The following PTPRJ variants were observed in gnomAD, a reference collection of about 807,000 sequenced individuals.
The protein encoded by PTPRJ is receptor-type tyrosine-protein phosphatase eta.
A neutral mutation model predicts 141.3 loss-of-function variants in PTPRJ; 129 were observed. The observed-to-expected ratio is 0.91, with a 90% confidence interval of 0.79 to 1.06. The LOEUF (loss-of-function observed/expected upper bound fraction) is 1.06, where lower values mean the gene tolerates loss of function less well. PTPRJ is among the 50% of genes least tolerant of loss of function. The probability of loss-of-function intolerance (pLI) is 0.00; values close to 1 mark genes in which losing one functional copy is unlikely to be tolerated. For missense variants in PTPRJ, 1,601 were observed against 1,679.7 expected (o/e 0.95, Z 0.82); for synonymous variants, 610 against 640.5 (o/e 0.95, Z 0.72).
intron 21 of PTPRJ, among the ~76,000 whole-genome samples, chr11:48,156,997 A>ATT (rs1178660349): frequency 7.0e-6 from 1 of 142,890 alleles, no homozygotes; most frequent in Non-Finnish European, 1.5e-5. Flanking sequence ...CAAAGATAAG[A>ATT]TTTTTTTTTT....
At chr11:48,059,151 C>G (rs190055188) in intron 1 of PTPRJ, among the ~76,000 whole-genome samples, 3 of 133,254 alleles carry the variant, frequency 2.3e-5, no homozygotes, top group Non-Finnish European at 4.7e-5. Context: ...CAGAGTCTCA[C>G]TCTGTCCATT....
chr11:48,156,743 G>T (rs1214572336), intron 21 of PTPRJ, among the ~76,000 whole-genome samples: 1 of 151,804 alleles, frequency 6.6e-6, no homozygotes, highest in African/African-American at 2.4e-5. Context: ...TGCACCACAT[G>T]CCTGGATAAT....
chr11:48,005,942 C>G (rs151304621), intron 1 of PTPRJ, among the ~76,000 whole-genome samples: 210 of 152,372 alleles, frequency 1.4e-3, no homozygotes, highest in Middle Eastern at 0.01. Flanking sequence ...CTGTCCGGCT[C>G]TTAGCCAGCT....
At chr11:48,014,982 A>C (rs953161222) in intron 1 of PTPRJ, among the ~76,000 whole-genome samples, 5 of 152,190 alleles carry the variant, frequency 3.3e-5, no homozygotes, top group African/African-American at 1.2e-4. Flanking sequence ...GTGGGATTAC[A>C]GGTGTGAGCC....
intron 1 of PTPRJ, among the ~76,000 whole-genome samples, chr11:47,982,127 A>T (rs754425395): frequency 6.6e-6 from 1 of 152,144 alleles, no homozygotes; most frequent in Non-Finnish European, 1.5e-5. Context: ...GCTGTAGGAG[A>T]AGGGGGCTGG....
intron 1 of PTPRJ, among the ~76,000 whole-genome samples, chr11:48,065,464 T>C (rs761758941): frequency 3.3e-5 from 5 of 152,170 alleles, no homozygotes; most frequent in Non-Finnish European, 5.9e-5. Flanking sequence ...TGTTTTCCCA[T>C]TACACAGATT....
chr11:48,146,993 C>G (rs912136735), intron 15 of PTPRJ, 30 bp downstream of exon 15: 1 of 1,574,472 alleles, frequency 6.4e-7, no homozygotes, highest in Non-Finnish European at 8.7e-7. Context: ...TAATAATACT[C>G]TGGTATTTAA....
At chr11:48,003,098 G>A (rs1854539601) in intron 1 of PTPRJ, among the ~76,000 whole-genome samples, 1 of 152,136 alleles carries the variant, frequency 6.6e-6, no homozygotes, top group Admixed American at 6.5e-5. Context: ...AATGCTGAAA[G>A]GCTAAATAAA....
At chr11:48,012,725 A>G (rs1051196716) in intron 1 of PTPRJ, among the ~76,000 whole-genome samples, 3 of 152,056 alleles carry the variant, frequency 2.0e-5, no homozygotes, top group Non-Finnish European at 4.4e-5. Flanking sequence ...AGGCACTAAA[A>G]TTTGCATATT....
At chr11:48,101,397 T>TTGGAAGGACCCAGGTGAC (rs1368759036) in intron 1 of PTPRJ, among the ~76,000 whole-genome samples, 1 of 152,142 alleles carries the variant, frequency 6.6e-6, no homozygotes, top group Non-Finnish European at 1.5e-5. Context: ...TTGCAAAGCC[T>TTGGAAGGACCCAGGTGAC]TGGAAGGACC....
rs368348856 is a variant in PTPRJ, at chr11:48,155,793, T to C, written c.3230-8T>C. On this transcript the variant is annotated splice_polypyrimidine_tract_variant and splice_region_variant and intron_variant, in intron 19 of 24. Coordinates refer to ENST00000418331, the MANE Select transcript of PTPRJ (RefSeq NM_002843.4). ...ATAATGGGGACCTTTTTTCTTTTAA[T>C]GTCACAGATGATATTTCCCGTGTCA... The C allele has an allele frequency of 2.9e-5, 46 of 1,578,652 alleles. No individual in the cohort carries two copies. The African/African-American group carries it at 6.0e-4, about 20-fold the overall frequency.
At chr11:48,018,642 AC>A (rs1855016212) in intron 1 of PTPRJ, among the ~76,000 whole-genome samples, 1 of 152,198 alleles carries the variant, frequency 6.6e-6, no homozygotes, top group Non-Finnish European at 1.5e-5. Context: ...TTCAGTGAGA[AC>A]CAGATCCTTT....
chr11:48,014,150 G>T (rs371246188), intron 1 of PTPRJ, among the ~76,000 whole-genome samples: 12 of 152,264 alleles, frequency 7.9e-5, no homozygotes, highest in Non-Finnish European at 1.3e-4. Flanking sequence ...CTCTCTATGG[G>T]GTAGTGGCCC....
intron 1 of PTPRJ, among the ~76,000 whole-genome samples, chr11:47,996,260 G>A (rs1211320494): frequency 5.3e-5 from 8 of 151,276 alleles, no homozygotes; most frequent in Non-Finnish European, 1.0e-4. Flanking sequence ...GCGTGAACCC[G>A]GGAGGCGGAG....
Position 48,139,478 on chromosome 11 carries a change from C to T in PTPRJ, c.2153-8C>T. ...GGAATCTCATGCTGTGCTGTACTTGCTTTGCAGATCCTGCGTCCATGGCCT... is the reference window on the plus strand; with the variant it reads ...GGAATCTCATGCTGTGCTGTACTTGTTTTGCAGATCCTGCGTCCATGGCCT... On this transcript the variant is annotated splice_polypyrimidine_tract_variant and splice_region_variant and intron_variant, in intron 10 of 24. Transcript: ENST00000418331. The T allele has an allele frequency of 6.2e-7, 1 of 1,612,708 alleles. No individual in the cohort carries two copies. Among genetic ancestry groups the T allele is most frequent in the Non-Finnish European group, 8.5e-7 (1 of 1,178,764 alleles).
chr11:48,037,270 CTT>C, intron 1 of PTPRJ, among the ~76,000 whole-genome samples: 1 of 152,140 alleles, frequency 6.6e-6, no homozygotes. Context: ...ACTCAAGAGT[CTT>C]TTCCAAATTC....
chr11:48,109,176 G>A (rs549332694), intron 1 of PTPRJ, among the ~76,000 whole-genome samples: 1 of 152,242 alleles, frequency 6.6e-6, no homozygotes, highest in Non-Finnish European at 1.5e-5. Context: ...AGGGGCTAGT[G>A]GGCTGTGGCT....
At position 48,169,607 on chromosome 11, in the gene PTPRJ, G is replaced by A. The variant is rs1858008251; in HGVS notation, c.*2245G>A. 1 of 152,204 alleles carries A rather than the reference G, an allele frequency of 6.6e-6. No homozygotes were observed. Among genetic ancestry groups the A allele is most frequent in the Non-Finnish European group, 1.5e-5 (1 of 68,060 alleles). 9.4% of individuals were successfully genotyped at this position (152,204 alleles called of 1,614,324 possible). A position where few individuals can be genotyped will look rare whatever the true frequency, so the allele number is the denominator to read the frequency against. On this transcript the variant is annotated 3_prime_UTR_variant, in exon 25 of 25. Coordinates refer to ENST00000418331, the MANE Select transcript of PTPRJ (RefSeq NM_002843.4). ...CCAATATGTCCGAAACCATTGTGATGGGTGGCAAATCCCAGGGAGCTCCTA... is the reference window on the plus strand; with the variant it reads ...CCAATATGTCCGAAACCATTGTGATAGGTGGCAAATCCCAGGGAGCTCCTA...
chr11:48,164,046 A>C (rs1322599841), intron 23 of PTPRJ, among the ~76,000 whole-genome samples: 2 of 152,184 alleles, frequency 1.3e-5, no homozygotes, highest in Non-Finnish European at 2.9e-5. Flanking sequence ...AGAAGACAGG[A>C]GGGGCTCTGT....
Sources: allele counts gnomAD v4.1 joint callset (sites outside exome capture counted in the v4.1 genomes callset), GRCh38; gene constraint gnomAD v4.1.1; transcripts MANE v1.5; gene names NCBI Gene and HGNC (gene_info 2026-07-23, HGNC 2026-07-21).